Variants in RYR2 observed in about 807,000 individuals in gnomAD.
RYR2 encodes cardiac muscle ryanodine receptor-calcium release channel.
In RYR2, 227 loss-of-function variants were observed where a neutral mutation model predicts 601.1. The ratio of observed to expected loss-of-function variants is 0.38; its 90% confidence interval spans 0.34 to 0.42. The LOEUF is 0.42. Among genes scored for constraint, RYR2 ranks in the 10% least tolerant of loss-of-function variants. The probability of loss-of-function intolerance (pLI) is 1.00; values close to 1 mark genes in which losing one functional copy is unlikely to be tolerated. For synonymous variants in RYR2, 2,223 were observed against 2,175.1 expected, an observed-to-expected ratio of 1.02 and a Z score of -0.61; for missense variants, 4,646 against 6,156.5, an observed-to-expected ratio of 0.75 and a Z score of 8.21.
intron 63 of RYR2, among the ~76,000 whole-genome samples, chr1:237,698,746 C>A (rs1467914735): frequency 6.6e-6 from 1 of 152,136 alleles, no homozygotes; most frequent in African/African-American, 2.4e-5. Flanking sequence ...TTGGGCATGT[C>A]AGCTATTTGA....
intron 1 of RYR2, among the ~76,000 whole-genome samples, chr1:237,055,717 C>T (rs1661908212): frequency 6.6e-6 from 1 of 152,090 alleles, no homozygotes; most frequent in Non-Finnish European, 1.5e-5. Flanking sequence ...ATTATGGCTC[C>T]CTAAAAAGTA....
chr1:237,396,488 T>C (rs1702870134), intron 10 of RYR2, among the ~76,000 whole-genome samples: 1 of 152,218 alleles, frequency 6.6e-6, no homozygotes, highest in Non-Finnish European at 1.5e-5. Flanking sequence ...ATGCACAATT[T>C]TTGTGATGTT....
intron 15 of RYR2, among the ~76,000 whole-genome samples, chr1:237,456,172 C>T (rs1658791015): frequency 6.6e-6 from 1 of 152,038 alleles, no homozygotes; most frequent in Admixed American, 6.6e-5. Context: ...TTACAAAGTT[C>T]ACGATAATGC....
At chr1:237,045,822 T>A (rs1256803699) in intron 1 of RYR2, among the ~76,000 whole-genome samples, 1 of 151,110 alleles carries the variant, frequency 6.6e-6, no homozygotes, top group East Asian at 1.9e-4. Context: ...ATAGAAGATA[T>A]TCCTCTGACT....
At chr1:237,687,386 A>ATTTTTCTCTTTTTTT in intron 62 of RYR2, 69 bp from the exon 63 acceptor site, 1 of 292,982 alleles carries the variant, frequency 3.4e-6, no homozygotes, top group Non-Finnish European at 5.4e-6. Flanking sequence ...TTTTTTTTTA[A>ATTTTTCTCTTTTTTT]TTTCCCCCTG....
intron 34 of RYR2, among the ~76,000 whole-genome samples, chr1:237,598,359 A>C (rs1299535176): frequency 6.6e-6 from 1 of 152,236 alleles, no homozygotes; most frequent in African/African-American, 2.4e-5. Context: ...GTATAGCTGA[A>C]GAATACACAT....
intron 4 of RYR2, among the ~76,000 whole-genome samples, chr1:237,363,689 T>C (rs1699971077): frequency 6.6e-6 from 1 of 152,118 alleles, no homozygotes; most frequent in South Asian, 2.1e-4. Context: ...TGAAGTTATT[T>C]GTAAATTTGC....
intron 25 of RYR2, among the ~76,000 whole-genome samples, chr1:237,546,762 T>TA (rs1669850302): frequency 1.3e-5 from 2 of 151,974 alleles, no homozygotes; most frequent in East Asian, 1.9e-4. Context: ...TATTCAACCT[T>TA]AAAAAAGTTA....
chr1:237,242,711 C>G (rs754955181), intron 1 of RYR2, among the ~76,000 whole-genome samples: 3 of 152,092 alleles, frequency 2.0e-5, no homozygotes, highest in African/African-American at 7.2e-5. Context: ...TCTGAAATTT[C>G]CTACAGAAAA....
intron 56 of RYR2, among the ~76,000 whole-genome samples, chr1:237,664,244 A>G (rs962240414): frequency 6.6e-6 from 1 of 152,228 alleles, no homozygotes; most frequent in African/African-American, 2.4e-5. Context: ...ACAAGATAGG[A>G]TAGAGGAATG....
chr1:237,535,452 A>G (rs1158979449), intron 25 of RYR2, among the ~76,000 whole-genome samples: 1 of 151,256 alleles, frequency 6.6e-6, no homozygotes, highest in African/African-American at 2.4e-5. Flanking sequence ...GAATAGAGCT[A>G]TAACTATTAA....
At chr1:237,802,090 A>G in intron 98 of RYR2, 174 bp downstream of exon 98, 1 of 408,052 alleles carries the variant, frequency 2.5e-6, no homozygotes, top group Non-Finnish European at 4.4e-6. Context: ...CCCATCTCTC[A>G]TTCCATTTCT....
chr1:237,470,294 A>G (rs1365235360), intron 17 of RYR2, among the ~76,000 whole-genome samples: 5 of 152,320 alleles, frequency 3.3e-5, no homozygotes, highest in African/African-American at 1.2e-4. Flanking sequence ...ACCACTGTCC[A>G]TACAAAATAG....
At chr1:237,542,947 A>G (rs906465202) in intron 25 of RYR2, among the ~76,000 whole-genome samples, 9 of 150,786 alleles carry the variant, frequency 6.0e-5, no homozygotes, top group Non-Finnish European at 1.3e-4. Flanking sequence ...GCCTCCTCTG[A>G]CTCTCCCCTC....
At chr1:237,344,948 C>T (rs1698166047) in intron 3 of RYR2, among the ~76,000 whole-genome samples, 1 of 151,982 alleles carries the variant, frequency 6.6e-6, no homozygotes, top group Non-Finnish European at 1.5e-5. Context: ...GTAGCTGGGA[C>T]TACAGGTGCG....
intron 73 of RYR2, among the ~76,000 whole-genome samples, chr1:237,720,139 A>G (rs1689602112): frequency 1.3e-5 from 2 of 152,224 alleles, no homozygotes; most frequent in South Asian, 4.1e-4. Context: ...TCATTTGTTT[A>G]TAAAACCTGT....
chr1:237,546,316 G>A (rs1333280170), intron 25 of RYR2, among the ~76,000 whole-genome samples: 1 of 152,092 alleles, frequency 6.6e-6, no homozygotes, highest in Non-Finnish European at 1.5e-5. Flanking sequence ...ACAAAACATT[G>A]GTAAAGCTTT....
At chr1:237,103,992 C>T (rs1668404225) in intron 1 of RYR2, among the ~76,000 whole-genome samples, 1 of 149,272 alleles carries the variant, frequency 6.7e-6, no homozygotes, top group Non-Finnish European at 1.5e-5. Context: ...CTTTATCAGT[C>T]TGTGTCATCC....
chr1:237,317,828 TTACA>T (rs1695255864), intron 2 of RYR2, among the ~76,000 whole-genome samples: 1 of 152,184 alleles, frequency 6.6e-6, no homozygotes, highest in Non-Finnish European at 1.5e-5. Context: ...TTGTGTTCTT[TTACA>T]TTCAACCTAT....
Sources: gnomAD v4.1 joint callset for allele counts (sites outside exome capture counted in the v4.1 genomes callset) on GRCh38, gnomAD v4.1.1 for gene constraint, MANE v1.5 for transcripts, NCBI Gene and HGNC (gene_info 2026-07-23, HGNC 2026-07-21) for gene names.